Variants in PXMP4 observed in about 807,000 individuals in gnomAD.
The protein encoded by PXMP4 is 24 kDa peroxisomal intrinsic membrane protein.
In PXMP4, 16 loss-of-function variants were observed where a neutral mutation model predicts 21.6. The observed-to-expected ratio is 0.74, with a 90% confidence interval of 0.50 to 1.13. The LOEUF is 1.13. Among genes scored for constraint, PXMP4 ranks in the 50% most tolerant of loss-of-function variants. The pLI is 0.00. For synonymous variants in PXMP4, 127 were observed against 123.8 expected (o/e 1.03, Z -0.17); for missense variants, 240 against 277.7 (o/e 0.86, Z 0.96).
At chr20:33,711,982 TAA>T (rs78940423) in intron 2 of PXMP4, among the ~76,000 whole-genome samples, 9 of 125,084 alleles carry the variant, frequency 7.2e-5, no homozygotes, top group Admixed American at 8.0e-5. Flanking sequence ...CTCTAAAAAT[TAA>T]AAAAAAAAAA....
chr20:33,704,813 C>G lies in PXMP4; in HGVS notation c.*2893G>C, dbSNP rs2018240226. 6.6e-6 allele frequency: 1 copy of G among 152,150 alleles called. No individual in the cohort carries two copies. Among genetic ancestry groups the G allele is most frequent in the Admixed American group, 6.6e-5 (1 of 15,260 alleles). 9.4% of individuals were successfully genotyped at this position (152,150 alleles called of 1,614,324 possible). On this transcript the variant is annotated 3_prime_UTR_variant, in exon 4 of 4. Coordinates refer to ENST00000409299, the MANE Select transcript of PXMP4 (RefSeq NM_007238.5). Reference sequence around the variant, plus strand: ...CCCCAGCTCACTGAATCAGAAGCTGCATTTTAATAAGGTCTCCAGTGACTC... The same window carrying G: ...CCCCAGCTCACTGAATCAGAAGCTGGATTTTAATAAGGTCTCCAGTGACTC...
intron 2 of PXMP4, among the ~76,000 whole-genome samples, chr20:33,713,501 C>T (rs1174752726): frequency 2.6e-5 from 4 of 152,182 alleles, no homozygotes; most frequent in Non-Finnish European, 4.4e-5. Context: ...TTTTCCATAA[C>T]CATAGCACCT....
chr20:33,717,949 G>A (rs1366166737), intron 1 of PXMP4, among the ~76,000 whole-genome samples: 1 of 152,136 alleles, frequency 6.6e-6, no homozygotes, highest in Non-Finnish European at 1.5e-5. Flanking sequence ...TTACAGAATG[G>A]CTTTTGGCAG....
rs1483781743 is a variant in PXMP4, at chr20:33,704,250, G to A, written c.*3456C>T. On this transcript the variant is annotated 3_prime_UTR_variant, in exon 4 of 4. Transcript: ENST00000409299. ...CAACTAGACAGTCCCATCAAGGCGT[G>A]ACGGGAGACAGTGACAGATCATCAG... is the stretch of plus-strand genomic sequence containing the variant. 6.3e-6 allele frequency: 1 copy of A among 157,914 alleles called. No homozygotes were observed. The highest frequency in any genetic ancestry group is 1.8e-4 in the East Asian group (1 of 5,418). 9.8% of individuals were successfully genotyped at this position (157,914 alleles called of 1,614,324 possible). A position where few individuals can be genotyped will look rare whatever the true frequency, so the allele number is the denominator to read the frequency against.
At chr20:33,714,890 A>G (rs2018368131) in intron 1 of PXMP4, among the ~76,000 whole-genome samples, 154 bp from the exon 2 acceptor site, 2 of 152,300 alleles carry the variant, frequency 1.3e-5, no homozygotes, top group South Asian at 4.1e-4. Context: ...TGGCTCTGAT[A>G]CTTCCTGGTA....
rs182114957 is a variant in PXMP4 at position 33,719,013 on chromosome 20, A to G, written c.113+1082T>C. On this transcript the variant is annotated intron_variant, in intron 1 of 3. Transcript: ENST00000409299. ...TGGGTTCAAGCGGTTCTCCTGCCTC[A>G]GCCTCCCATGTAGCCGGGACTACAG... Among the ~76,000 whole-genome samples, 7 of 151,924 alleles carry G rather than the reference A, an allele frequency of 4.6e-5. No homozygotes were observed. In the East Asian group the frequency reaches 1.4e-3, roughly 29 times the overall value.
intron 1 of PXMP4, among the ~76,000 whole-genome samples, chr20:33,716,969 G>A (rs758551674): frequency 9.2e-5 from 14 of 152,306 alleles, no homozygotes; most frequent in Non-Finnish European, 1.3e-4. Context: ...GAGGTCAGGA[G>A]TTTGAGACCA....
chr20:33,715,068 G>A (rs557322053), intron 1 of PXMP4, among the ~76,000 whole-genome samples: 27 of 152,068 alleles, frequency 1.8e-4, no homozygotes, highest in Middle Eastern at 6.8e-3. Flanking sequence ...GGAATCCAGC[G>A]ATCCTCCAGC....
chr20:33,705,018 CAG>C lies in PXMP4; in HGVS notation c.*2686_*2687del, dbSNP rs2018242879. ...TTTTTTTTTTTTTTTTTTTTTGAGA[CAG>C]AGTCTTACTCTGTCACCCAGGCTGA... On this transcript the variant is annotated 3_prime_UTR_variant, in exon 4 of 4. Coordinates refer to ENST00000409299, the MANE Select transcript of PXMP4 (RefSeq NM_007238.5). 1 of 117,912 alleles carries C rather than the reference CAG, an allele frequency of 8.5e-6. No individual in the cohort carries two copies. 7.3% of individuals were successfully genotyped at this position (117,912 alleles called of 1,614,324 possible). A position where few individuals can be genotyped will look rare whatever the true frequency, so the allele number is the denominator to read the frequency against.
chr20:33,708,487 G>T (rs2377925), intron 3 of PXMP4, among the ~76,000 whole-genome samples: 81,580 of 151,272 alleles, frequency 0.54, 22,615 homozygotes, highest in East Asian at 0.8. Context: ...GCATTGGCCT[G>T]ATTTCTGCAC....
Position 33,707,834 on chromosome 20 carries a change from A to G in PXMP4, c.511T>C (p.Phe171Leu). 6.2e-7 allele frequency: 1 copy of G among 1,614,194 alleles called. No homozygotes were observed. Among genetic ancestry groups the G allele is most frequent in the Non-Finnish European group, 8.5e-7 (1 of 1,180,050 alleles). ...AVVWGLVLWL[F>L]EYHRSTLQPS... ...TGCAGGGTGGATCGGTGATACTCAAAGAGCCACAGCACCAGCCCCCACACC... is the reference window on the plus strand; with the variant it reads ...TGCAGGGTGGATCGGTGATACTCAAGGAGCCACAGCACCAGCCCCCACACC... The change falls in exon 4 of 4, where the codon TTT (phenylalanine) becomes CTT (leucine). Residue 171 changes from phenylalanine (F) to leucine (L), a missense_variant. Phe to Leu is a conservative substitution (Grantham distance 22). Transcript: ENST00000409299.
At chr20:33,719,708 A>G (rs2018425548) in intron 1 of PXMP4, among the ~76,000 whole-genome samples, 1 of 152,162 alleles carries the variant, frequency 6.6e-6, no homozygotes, top group Non-Finnish European at 1.5e-5. Flanking sequence ...AATAGACAGG[A>G]GGCATCCGCC....
intron 2 of PXMP4, among the ~76,000 whole-genome samples, chr20:33,711,982 T>TAAA (rs78940423): frequency 1.6e-5 from 2 of 125,164 alleles, no homozygotes; most frequent in Admixed American, 8.0e-5. Context: ...CTCTAAAAAT[T>TAAA]AAAAAAAAAA....
intron 1 of PXMP4, among the ~76,000 whole-genome samples, chr20:33,717,407 G>A (rs146724824): frequency 0.041 from 6,143 of 151,368 alleles, 374 homozygotes; most frequent in African/African-American, 0.14. Context: ...TTGGGAGGCC[G>A]AGGCGGGCGG....
At position 33,702,866 on chromosome 20, in the gene PXMP4, T is replaced by C. The variant is rs1451144899; in HGVS notation, c.*4840A>G. 1.3e-5 allele frequency: 2 copies of C among 152,178 alleles called. No individual in the cohort carries two copies. Among genetic ancestry groups the C allele is most frequent in the Non-Finnish European group, 2.9e-5 (2 of 68,024 alleles). The allele number at this position is 152,178 out of a possible 1,614,324, so 9.4% of individuals were successfully genotyped here. On this transcript the variant is annotated 3_prime_UTR_variant, in exon 4 of 4. Transcript: ENST00000409299. ...AACCATTCTATTTCAGGAACTAGCA[T>C]TTAGGAAGCATAGCACTTACTGTGC...
rs780690405 is a variant in PXMP4 at position 33,707,945 on chromosome 20, C to T, written c.400G>A (p.Val134Ile). 24 of 1,613,768 alleles carry T rather than the reference C, an allele frequency of 1.5e-5. No homozygotes were observed. The highest frequency in any genetic ancestry group is 6.7e-5 in the African/African-American group (5 of 74,862). The change falls in exon 4 of 4, where the codon GTC becomes ATC. Residue 134 changes from valine to isoleucine, a missense_variant. By Grantham distance (29) the Val-to-Ile change is conservative (BLOSUM62 3). Transcript: ENST00000409299. ...SQINMYLLSR[V>I]LFALSRLAVE... The stretch of plus-strand genomic sequence containing the variant: ...GCCAGGCGGCTCAGGGCAAACAGGA[C>T]GCGTGACAACAGGTACATGTTGATC...
At position 33,714,662 on chromosome 20, in the gene PXMP4, A is replaced by G. The variant is rs1601207507; in HGVS notation, c.176+12T>C. 1.2e-6 allele frequency: 2 copies of G among 1,612,870 alleles called. No individual in the cohort carries two copies. The highest frequency in any genetic ancestry group is 1.7e-6 in the Non-Finnish European group (2 of 1,178,880). On this transcript the variant is annotated intron_variant, in intron 2 of 3. Coordinates refer to ENST00000409299, the MANE Select transcript of PXMP4 (RefSeq NM_007238.5). The stretch of plus-strand genomic sequence containing the variant: ...GCTGACCACATTCTCTCCCAGTTTG[A>G]GGGATGTGTACCTGCCATTCCGGAA...
Position 33,704,990 on chromosome 20 carries a change from GTTTTTTTTTTTT to G in PXMP4, c.*2704_*2715del, listed in dbSNP as rs869175381. The G allele has an allele frequency of 9.5e-6, 1 of 105,376 alleles. No homozygotes were observed. Among genetic ancestry groups the G allele is most frequent in the Non-Finnish European group, 1.9e-5 (1 of 53,858 alleles). The allele number at this position is 105,376 out of a possible 1,614,324, so 6.5% of individuals were successfully genotyped here. On this transcript the variant is annotated 3_prime_UTR_variant, in exon 4 of 4. Transcript: ENST00000409299. ...ACTTGTTTGATTTGTCCAGGATTGTGTTTTTTTTTTTTTTTTTTTTTTTGAGACAGAGTCTTA... is the reference window on the plus strand; with the variant it reads ...ACTTGTTTGATTTGTCCAGGATTGTGTTTTTTTTTTTGAGACAGAGTCTTA...
At chr20:33,709,921 C>T (rs2018304481) in intron 3 of PXMP4, among the ~76,000 whole-genome samples, 1 of 141,698 alleles carries the variant, frequency 7.1e-6, no homozygotes. Flanking sequence ...TCTTTCCCCA[C>T]TCCTAACTCT....
Sources: allele counts gnomAD v4.1 joint callset (sites outside exome capture counted in the v4.1 genomes callset), GRCh38; gene constraint gnomAD v4.1.1; transcripts MANE v1.5; gene names NCBI Gene and HGNC (gene_info 2026-07-23, HGNC 2026-07-21).